Variants in NCKAP1 observed in about 807,000 individuals in gnomAD.
NCKAP1 encodes the protein NCK associated protein 1.
Under a neutral mutation model 151.2 loss-of-function variants are expected in NCKAP1, and 21 were observed. The observed-to-expected ratio is 0.14, with a 90% CI of 0.10 to 0.20. The LOEUF is 0.20. NCKAP1 is among the 10% of genes least tolerant of loss of function. The pLI is 1.00. For synonymous variants in NCKAP1, 484 were observed against 451.8 expected (o/e 1.07, Z -0.90); for missense variants, 933 against 1,352.1 (o/e 0.69, Z 4.86).
chr2:182,949,939 A>G (rs763061367), intron 23 of NCKAP1, among the ~76,000 whole-genome samples: 38 of 152,254 alleles, frequency 2.5e-4, no homozygotes, highest in Non-Finnish European at 4.3e-4. Flanking sequence ...ACATGAACAA[A>G]TACACTGCAT....
intron 2 of NCKAP1, 150 bp from the exon 3 acceptor site, chr2:183,003,475 C>A (rs1194378171): frequency 1.8e-6 from 1 of 557,050 alleles, no homozygotes; most frequent in Non-Finnish European, 3.2e-6. Context: ...CCAAAGTACT[C>A]GAGACAGCAA....
chr2:183,024,368 C>T (rs1698849432), intron 1 of NCKAP1, among the ~76,000 whole-genome samples: 1 of 152,104 alleles, frequency 6.6e-6, no homozygotes, highest in Non-Finnish European at 1.5e-5. Context: ...CATTTTAATA[C>T]AAGAGCCCTA....
chr2:182,930,061 T>A (rs1378093791), intron 27 of NCKAP1, among the ~76,000 whole-genome samples: 1 of 152,026 alleles, frequency 6.6e-6, no homozygotes, highest in Non-Finnish European at 1.5e-5. Context: ...AATGCTGTAA[T>A]CTCCTCCATC....
intron 4 of NCKAP1, among the ~76,000 whole-genome samples, chr2:183,002,740 A>G (rs555425765): frequency 1.5e-3 from 229 of 152,178 alleles, no homozygotes; most frequent in Middle Eastern, 0.01. Context: ...CTATTAAATA[A>G]AATACTAAAG....
chr2:183,028,923 C>G (rs955759058), intron 1 of NCKAP1, among the ~76,000 whole-genome samples: 1 of 149,196 alleles, frequency 6.7e-6, no homozygotes. Context: ...ACCAGCCTAG[C>G]CAACACGGTG....
intron 9 of NCKAP1, among the ~76,000 whole-genome samples, 159 bp downstream of exon 9, chr2:182,988,871 A>G (rs577690058): frequency 6.6e-6 from 1 of 152,316 alleles, no homozygotes; most frequent in South Asian, 2.1e-4. Flanking sequence ...ATTAACTATC[A>G]GGATGACTGT....
chr2:183,020,860 G>A (rs898478120), intron 2 of NCKAP1, among the ~76,000 whole-genome samples: 2 of 152,028 alleles, frequency 1.3e-5, no homozygotes, highest in East Asian at 3.8e-4. Context: ...CCTGATCCAA[G>A]CTAGCTAGGA....
chr2:182,971,802 T>C (rs980014183), intron 15 of NCKAP1, among the ~76,000 whole-genome samples: 17 of 152,088 alleles, frequency 1.1e-4, no homozygotes, highest in Admixed American at 2.0e-4. Flanking sequence ...GCCAAGAATA[T>C]ACATTGGGGA....
chr2:182,970,099 T>C (rs1025570786), intron 15 of NCKAP1, among the ~76,000 whole-genome samples: 1 of 152,018 alleles, frequency 6.6e-6, no homozygotes, highest in Non-Finnish European at 1.5e-5. Context: ...TAATAAGTAA[T>C]GAGATAGAAG....
chr2:182,963,279 A>G (rs1697494565), intron 17 of NCKAP1, among the ~76,000 whole-genome samples: 2 of 152,226 alleles, frequency 1.3e-5, no homozygotes, highest in Non-Finnish European at 1.5e-5. Flanking sequence ...TGTTTAATCA[A>G]ATTCTGACTT....
intron 17 of NCKAP1, among the ~76,000 whole-genome samples, chr2:182,963,547 A>T (rs1697499078): frequency 6.6e-6 from 1 of 152,162 alleles, no homozygotes; most frequent in Non-Finnish European, 1.5e-5. Flanking sequence ...GCAGAAGCAA[A>T]GAGACCACTT....
rs1181072609 is a variant in NCKAP1 at position 182,911,454 on chromosome 2, T to C, written c.*14248A>G. ...CAAAAAATGGCCATCAGTTCATGACTTTATTAACTTATATAGTTAATACAT... is the reference window on the plus strand; with the variant it reads ...CAAAAAATGGCCATCAGTTCATGACCTTATTAACTTATATAGTTAATACAT... On this transcript the variant is annotated 3_prime_UTR_variant, in exon 31 of 31. Coordinates refer to ENST00000361354, the MANE Select transcript of NCKAP1 (RefSeq NM_013436.5). The C allele has an allele frequency of 6.6e-6, 1 of 152,218 alleles. No individual in the cohort carries two copies. Among genetic ancestry groups the C allele is most frequent in the Non-Finnish European group, 1.5e-5 (1 of 68,036 alleles). The allele number at this position is 152,218 out of a possible 1,614,324, so 9.4% of individuals were successfully genotyped here.
At chr2:183,005,019 CACA>C (rs1274551528) in intron 2 of NCKAP1, among the ~76,000 whole-genome samples, 5 of 149,694 alleles carry the variant, frequency 3.3e-5, no homozygotes, top group East Asian at 3.9e-4. Flanking sequence ...CTCTATTTTG[CACA>C]ACATTATCTG....
At chr2:183,030,170 C>T (rs745866027) in intron 1 of NCKAP1, among the ~76,000 whole-genome samples, 20 of 152,118 alleles carry the variant, frequency 1.3e-4, no homozygotes, top group Non-Finnish European at 2.8e-4. Flanking sequence ...GTTGCTATCA[C>T]GGTAAAAATC....
At chr2:182,988,187 A>C (rs1698095080) in intron 9 of NCKAP1, among the ~76,000 whole-genome samples, 1 of 152,134 alleles carries the variant, frequency 6.6e-6, no homozygotes, top group Admixed American at 6.6e-5. Flanking sequence ...ATTCTTATGT[A>C]CACTAAAATG....
Position 183,001,962 on chromosome 2 carries a change from G to A in NCKAP1, c.594C>T (p.Pro198=). Residue 198 remains proline (P), a synonymous_variant, in exon 6 of 31, where the codon CCC becomes CCT. Coordinates refer to ENST00000361354, the MANE Select transcript of NCKAP1 (RefSeq NM_013436.5). ...PLKKMMEEFV[P]HSKSLSDALI... is the part of the protein sequence containing the mutation. ...AACAACTGCCTCTTACCTTGCTATG[G>A]GGTACAAATTCTTCCATCATCTTCT... 1 of 1,612,778 alleles carries A rather than the reference G, an allele frequency of 6.2e-7. No individual in the cohort carries two copies. The highest frequency in any genetic ancestry group is 8.5e-7 in the Non-Finnish European group (1 of 1,178,976).
chr2:182,989,831 C>T (rs747826727), intron 8 of NCKAP1, among the ~76,000 whole-genome samples: 6 of 151,986 alleles, frequency 3.9e-5, no homozygotes, highest in Non-Finnish European at 8.8e-5. Context: ...GAAATCCCGT[C>T]TCTACTAAAA....
chr2:183,033,925 T>C (rs1699053039), intron 1 of NCKAP1, among the ~76,000 whole-genome samples: 1 of 152,168 alleles, frequency 6.6e-6, no homozygotes, highest in Non-Finnish European at 1.5e-5. Context: ...CCTCTGGTAA[T>C]CATTAAAAAA....
chr2:182,914,947 C>A lies in NCKAP1; in HGVS notation c.*10755G>T, dbSNP rs1354705963. The A allele has an allele frequency of 6.6e-6, 1 of 152,178 alleles. No individual in the cohort carries two copies. The highest frequency in any genetic ancestry group is 1.5e-5 in the Non-Finnish European group (1 of 68,058). The allele number at this position is 152,178 out of a possible 1,614,324, so 9.4% of individuals were successfully genotyped here. ...TCAGATTTTGTAAACAGTGAAAAAA[C>A]CAAGAGCAGATGTGATCATTTAAGC... On this transcript the variant is annotated 3_prime_UTR_variant, in exon 31 of 31. Coordinates refer to ENST00000361354, the MANE Select transcript of NCKAP1 (RefSeq NM_013436.5).
Sources: allele counts gnomAD v4.1 joint callset (sites outside exome capture counted in the v4.1 genomes callset), GRCh38; gene constraint gnomAD v4.1.1; transcripts MANE v1.5; gene names NCBI Gene and HGNC (gene_info 2026-07-23, HGNC 2026-07-21).